FANCC: variants seen among roughly 807,000 people sequenced by gnomAD.
FANCC encodes the protein Fanconi anemia group C protein.
FANCC carries 55 observed loss-of-function variants against 71.3 expected under a neutral mutation model. That is an observed-to-expected ratio of 0.77 (90% CI 0.62 to 0.97). The LOEUF is 0.97. Ranked by LOEUF, FANCC falls within the 50% of genes least tolerant of loss-of-function variation. The pLI is 0.00. For synonymous variants in FANCC, 275 were observed against 244.9 expected, an observed-to-expected ratio of 1.12 and a Z score of -1.15; for missense variants, 678 against 670.9, an observed-to-expected ratio of 1.01 and a Z score of -0.12.
At chr9:95,216,129 TTAAAAG>T (rs1376036482) in intron 4 of FANCC, among the ~76,000 whole-genome samples, 2 of 152,140 alleles carry the variant, frequency 1.3e-5, no homozygotes, top group African/African-American at 4.8e-5. Context: ...CACAAGTAAG[TTAAAAG>T]TAAAAGGATG....
At position 95,107,071 on chromosome 9, in the gene FANCC, T is replaced by C; in HGVS notation, c.1528A>G (p.Thr510Ala). Residue 510 changes from threonine to alanine, a missense_variant, in exon 14 of 15, where the codon ACC (threonine) becomes GCC (alanine). Thr to Ala is a moderately conservative substitution (Grantham distance 58, BLOSUM62 0). Coordinates refer to ENST00000289081, the MANE Select transcript of FANCC (RefSeq NM_000136.3). ...GGHTIAWDVI[T>A]LMAHTAEITH... is the part of the protein sequence containing the mutation. ...TGGACCACAGGGAGACTTACCAGGGTGATGACATCCCAGGCGATCGTGTGG... is the reference window on the plus strand; with the variant it reads ...TGGACCACAGGGAGACTTACCAGGGCGATGACATCCCAGGCGATCGTGTGG... 6.2e-7 allele frequency: 1 copy of C among 1,613,994 alleles called. No individual in the cohort carries two copies. The highest frequency in any genetic ancestry group is 8.5e-7 in the Non-Finnish European group (1 of 1,179,962).
chr9:95,160,993 T>C (rs918236689), intron 6 of FANCC, among the ~76,000 whole-genome samples: 5 of 152,154 alleles, frequency 3.3e-5, no homozygotes, highest in Admixed American at 1.3e-4. Flanking sequence ...TACAATTAAA[T>C]ATATAATACT....
Position 95,244,699 on chromosome 9 carries a change from A to C in FANCC, c.250+2733T>G, listed in dbSNP as rs946503059. Among the ~76,000 whole-genome samples, 31 of 149,264 alleles carry C rather than the reference A, an allele frequency of 2.1e-4. No individual in the cohort carries two copies. In the Middle Eastern group the frequency reaches 0.01, roughly 50 times the overall value. On this transcript the variant is annotated intron_variant, in intron 3 of 14. Transcript: ENST00000289081. ...GTCTCAAAAAAAAAAAAAAAAAAAA[A>C]AAAAAAAAAAAAAACCCAACACTTG...
chr9:95,314,311 G>T (rs995543422), intron 1 of FANCC, among the ~76,000 whole-genome samples: 1 of 152,150 alleles, frequency 6.6e-6, no homozygotes, highest in African/African-American at 2.4e-5. Context: ...AAATAATTCG[G>T]CTGCTCTACC....
intron 4 of FANCC, among the ~76,000 whole-genome samples, chr9:95,233,095 G>T (rs188191511): frequency 5.5e-4 from 83 of 152,180 alleles, no homozygotes; most frequent in Admixed American, 7.2e-4. Context: ...GCACAGCTGG[G>T]AAATTCAGGG....
intron 1 of FANCC, among the ~76,000 whole-genome samples, chr9:95,254,029 C>T: frequency 6.6e-6 from 1 of 152,130 alleles, no homozygotes; most frequent in South Asian, 2.1e-4. Context: ...TGGTCTGGTT[C>T]CTAACAGGCC....
At chr9:95,198,799 G>A (rs949225282) in intron 4 of FANCC, among the ~76,000 whole-genome samples, 6 of 152,114 alleles carry the variant, frequency 3.9e-5, no homozygotes, top group African/African-American at 9.7e-5. Flanking sequence ...GTGCAGTGGC[G>A]CCATTACAGC....
At chr9:95,314,382 A>C (rs1835606030) in intron 1 of FANCC, among the ~76,000 whole-genome samples, 1 of 152,150 alleles carries the variant, frequency 6.6e-6, no homozygotes, top group Non-Finnish European at 1.5e-5. Context: ...GGCCGGGCGC[A>C]GTGACTCACG....
intron 7 of FANCC, among the ~76,000 whole-genome samples, chr9:95,142,811 C>T (rs1353430704): frequency 1.3e-5 from 2 of 152,164 alleles, no homozygotes; most frequent in East Asian, 3.8e-4. Context: ...CAGTCACTCC[C>T]ACTACTTAGA....
chr9:95,266,176 T>C (rs1730030104), intron 1 of FANCC, among the ~76,000 whole-genome samples: 1 of 152,254 alleles, frequency 6.6e-6, no homozygotes, highest in Non-Finnish European at 1.5e-5. Flanking sequence ...AAAGTCATTC[T>C]TCTTATTAGT....
intron 4 of FANCC, among the ~76,000 whole-genome samples, chr9:95,190,466 T>TTC (rs1827018515): frequency 6.6e-6 from 1 of 152,220 alleles, no homozygotes; most frequent in Non-Finnish European, 1.5e-5. Flanking sequence ...TAAACTTGCC[T>TTC]TCTTTGCTTC....
At position 95,135,394 on chromosome 9, in the gene FANCC, C is replaced by G; in HGVS notation, c.795G>C (p.Glu265Asp). 5.0e-6 allele frequency: 8 copies of G among 1,614,084 alleles called. No homozygotes were observed. Among genetic ancestry groups the G allele is most frequent in the Non-Finnish European group, 6.8e-6 (8 of 1,180,004 alleles). ...ATTCGATCCTTCTCAGACAATTTCT[C>G]TCACTGGAGATTAGCTTTTCAAAAA... ...LHLFEKLISSERNCLRRIECF... is the reference protein window; with the variant it reads ...LHLFEKLISSDRNCLRRIECF... Residue 265 changes from glutamate to aspartate, a missense_variant, in exon 8 of 15, where the codon GAG becomes GAC. Physicochemically the swap from Glu to Asp is conservative, Grantham distance 45. Transcript: ENST00000289081.
chr9:95,291,039 A>T (rs927187117), intron 1 of FANCC, among the ~76,000 whole-genome samples: 9 of 151,798 alleles, frequency 5.9e-5, no homozygotes, highest in Admixed American at 3.9e-4. Flanking sequence ...CTTTCATGAT[A>T]AAAAAAACTG....
At chr9:95,297,146 A>G (rs1834428001) in intron 1 of FANCC, among the ~76,000 whole-genome samples, 1 of 152,220 alleles carries the variant, frequency 6.6e-6, no homozygotes, top group Non-Finnish European at 1.5e-5. Context: ...CACCAGGGGA[A>G]CAGCAGACTG....
intron 4 of FANCC, among the ~76,000 whole-genome samples, chr9:95,180,336 ACT>A (rs1177352744): frequency 7.9e-5 from 11 of 139,200 alleles, no homozygotes; most frequent in African/African-American, 2.7e-4. Flanking sequence ...CTTACAGTTA[ACT>A]CTTTTTTTTT....
chr9:95,102,063 T>A (rs2071104894), intron 14 of FANCC, among the ~76,000 whole-genome samples: 1 of 152,172 alleles, frequency 6.6e-6, no homozygotes, highest in South Asian at 2.1e-4. Flanking sequence ...GCGGTGCCAT[T>A]TCCTAACGAG....
chr9:95,288,790 T>A (rs1457350399), intron 1 of FANCC, among the ~76,000 whole-genome samples: 3 of 152,114 alleles, frequency 2.0e-5, no homozygotes, highest in Non-Finnish European at 4.4e-5. Context: ...CTGTTTCCTG[T>A]TTCCTTTAAG....
rs577843470 is a variant in FANCC, at chr9:95,117,041, C to A, written c.1072+274G>T. On this transcript the variant is annotated intron_variant, in intron 11 of 14. Transcript: ENST00000289081. ...TGGATCTGGTTGGCACCAGAAGAGC[C>A]TGTGTTATCTGGAGGCAGACTAGCA... Among the ~76,000 whole-genome samples the A allele has an allele frequency of 5.9e-5, 9 of 152,336 alleles. No homozygotes were observed. The South Asian group carries it at 6.2e-4, about 11-fold the overall frequency.
intron 1 of FANCC, among the ~76,000 whole-genome samples, chr9:95,296,965 C>T (rs542034124): frequency 6.6e-6 from 1 of 152,322 alleles, no homozygotes; most frequent in Admixed American, 6.5e-5. Flanking sequence ...TCATTTCAAA[C>T]AATAACATTA....
Sources: allele counts gnomAD v4.1 joint callset (sites outside exome capture counted in the v4.1 genomes callset), GRCh38; gene constraint gnomAD v4.1.1; transcripts MANE v1.5; gene names NCBI Gene and HGNC (gene_info 2026-07-23, HGNC 2026-07-21).